The following IL1RAPL2 variants were observed in gnomAD, a reference collection of about 807,000 sequenced individuals.
IL1RAPL2 encodes the protein X-linked interleukin-1 receptor accessory protein-like 2.
Under a neutral mutation model 44.1 loss-of-function variants are expected in IL1RAPL2, and 3 were observed. The observed-to-expected ratio is 0.07, with a 90% confidence interval of 0.03 to 0.18. The LOEUF is 0.18. Among genes scored for constraint, IL1RAPL2 ranks in the 10% least tolerant of loss-of-function variants. The probability of loss-of-function intolerance (pLI) is 1.00; values close to 1 mark genes in which losing one functional copy is unlikely to be tolerated. For missense variants in IL1RAPL2, 391 were observed against 496.4 expected, an observed-to-expected ratio of 0.79 and a Z score of 2.02; for synonymous variants, 181 against 178.8, an observed-to-expected ratio of 1.01 and a Z score of -0.10.
chrX:104,761,923 C>CCTT lies in IL1RAPL2; in HGVS notation c.82+102987_82+102989dup, dbSNP rs759437149. Among the ~76,000 whole-genome samples, 112 of 30,800 alleles carry CCTT rather than the reference C, an allele frequency of 3.6e-3. 2 individuals carry two copies. Among genetic ancestry groups the CCTT allele is most frequent in the East Asian group, 0.011 (12 of 1,116 alleles). The allele number at this position is 30,800 out of a possible 115,157, so 26.7% of individuals were successfully genotyped here. A position where few individuals can be genotyped will look rare whatever the true frequency, so the allele number is the denominator to read the frequency against. On this transcript the variant is annotated intron_variant, in intron 2 of 10. Coordinates refer to ENST00000372582, the MANE Select transcript of IL1RAPL2 (RefSeq NM_017416.2). ...TCCTTCTCCTTCTCCTTCTCCTTCTCCTTCTTCTTCTTCTTCTTCTTCTTC... is the reference window on the plus strand; with the variant it reads ...TCCTTCTCCTTCTCCTTCTCCTTCTCCTTCTTCTTCTTCTTCTTCTTCTTCTTC...
chrX:104,942,115 GT>G (rs1186414842), intron 2 of IL1RAPL2, among the ~76,000 whole-genome samples: 2 of 111,908 alleles, frequency 1.8e-5, no homozygotes, highest in African/African-American at 6.5e-5. Flanking sequence ...TTGTAGTATA[GT>G]TTGAAGTCAG....
intron 2 of IL1RAPL2, among the ~76,000 whole-genome samples, chrX:104,827,131 G>T (rs1300971627): frequency 5.5e-5 from 6 of 109,194 alleles, no homozygotes; most frequent in African/African-American, 1.7e-4. Flanking sequence ...TTCCATTTAA[G>T]GTTAATATTG....
intron 5 of IL1RAPL2, among the ~76,000 whole-genome samples, chrX:105,354,070 T>C (rs1204341213): frequency 9.0e-6 from 1 of 111,139 alleles, no homozygotes; most frequent in Non-Finnish European, 1.9e-5. Flanking sequence ...GCTGTGGGTT[T>C]GTCATAGATA....
chrX:104,645,166 C>A (rs1930009703), intron 1 of IL1RAPL2, among the ~76,000 whole-genome samples: 1 of 111,561 alleles, frequency 9.0e-6, no homozygotes, highest in Non-Finnish European at 1.9e-5. Context: ...TCCTTCGCTA[C>A]CTTCTTATTT....
intron 2 of IL1RAPL2, among the ~76,000 whole-genome samples, chrX:105,099,617 A>G (rs1003811965): frequency 4.7e-5 from 5 of 105,992 alleles, no homozygotes; most frequent in African/African-American, 1.8e-4. Context: ...GGCGCCCGCC[A>G]CTACGCCTGG....
intron 1 of IL1RAPL2, among the ~76,000 whole-genome samples, chrX:104,644,088 A>T (rs1009659579): frequency 9.9e-5 from 11 of 111,626 alleles, no homozygotes; most frequent in Admixed American, 2.9e-4. Flanking sequence ...CATTTTTTTT[A>T]AAGTTTATTT....
chrX:105,680,020 A>AGAC (rs1337456073), intron 6 of IL1RAPL2, among the ~76,000 whole-genome samples: 2 of 111,021 alleles, frequency 1.8e-5, no homozygotes, highest in African/African-American at 3.3e-5. Flanking sequence ...TAATTTTTTG[A>AGAC]GACAGAGTCT....
chrX:105,713,546 C>G (rs2038231850), intron 6 of IL1RAPL2, among the ~76,000 whole-genome samples: 1 of 111,402 alleles, frequency 9.0e-6, no homozygotes, highest in Non-Finnish European at 1.9e-5. Flanking sequence ...AATCATCCCC[C>G]ACCAGGTGCA....
intron 6 of IL1RAPL2, among the ~76,000 whole-genome samples, chrX:105,693,329 G>C (rs945392165): frequency 1.8e-5 from 2 of 111,602 alleles, no homozygotes; most frequent in African/African-American, 6.5e-5. Context: ...TGGGTCATGG[G>C]GGCGAATCCC....
At chrX:105,146,919 G>C (rs1425821059) in intron 2 of IL1RAPL2, among the ~76,000 whole-genome samples, 1 of 111,820 alleles carries the variant, frequency 8.9e-6, no homozygotes, top group Non-Finnish European at 1.9e-5. Flanking sequence ...ATAGGTCATA[G>C]ATTTTGGATT....
rs541982333 is a variant in IL1RAPL2, at chrX:104,917,330, G to T, written c.82+258335G>T. ...CAAAGTCTCTCACATTCTTCAGATGGCAGAGAAAACAATTCCTCATTAGAT... is the reference window on the plus strand; with the variant it reads ...CAAAGTCTCTCACATTCTTCAGATGTCAGAGAAAACAATTCCTCATTAGAT... On this transcript the variant is annotated intron_variant, in intron 2 of 10. Coordinates refer to ENST00000372582, the MANE Select transcript of IL1RAPL2 (RefSeq NM_017416.2). Among the ~76,000 whole-genome samples the T allele has an allele frequency of 1.4e-3, 161 of 112,060 alleles. 1 individual carries two copies. The highest frequency in any genetic ancestry group is 4.9e-3 in the African/African-American group (150 of 30,825).
At chrX:104,688,303 AT>A (rs972428712) in intron 2 of IL1RAPL2, among the ~76,000 whole-genome samples, 2 of 111,565 alleles carry the variant, frequency 1.8e-5, no homozygotes, top group African/African-American at 3.3e-5. Flanking sequence ...AGTTAAAGGG[AT>A]TTTTTTTACA....
intron 1 of IL1RAPL2, among the ~76,000 whole-genome samples, chrX:104,598,768 T>G (rs1245586043): frequency 8.9e-6 from 1 of 112,587 alleles, no homozygotes; most frequent in African/African-American, 3.2e-5. Flanking sequence ...GCTTAAAATA[T>G]GCTATACCTT....
At chrX:105,683,429 T>C (rs2037941751) in intron 6 of IL1RAPL2, among the ~76,000 whole-genome samples, 1 of 111,835 alleles carries the variant, frequency 8.9e-6, no homozygotes, top group Non-Finnish European at 1.9e-5. Flanking sequence ...ATTAATTTCA[T>C]AATATTATTA....
At chrX:105,587,231 C>T (rs2037135533) in intron 6 of IL1RAPL2, among the ~76,000 whole-genome samples, 1 of 111,474 alleles carries the variant, frequency 9.0e-6, no homozygotes, top group Admixed American at 9.5e-5. Flanking sequence ...TCCATTTCTT[C>T]TAATTTATTG....
At chrX:104,850,651 A>G (rs963376068) in intron 2 of IL1RAPL2, among the ~76,000 whole-genome samples, 42 of 111,825 alleles carry the variant, frequency 3.8e-4, no homozygotes, top group Non-Finnish European at 5.6e-4. Context: ...GGTTGTTGCC[A>G]TGGAGCTGTT....
intron 6 of IL1RAPL2, among the ~76,000 whole-genome samples, chrX:105,601,145 A>G (rs1277237918): frequency 9.0e-6 from 1 of 111,393 alleles, no homozygotes; most frequent in Non-Finnish European, 1.9e-5. Context: ...TTAGTTATGT[A>G]TTATGGATAC....
intron 8 of IL1RAPL2, among the ~76,000 whole-genome samples, chrX:105,741,219 G>C (rs2038497751): frequency 9.0e-6 from 1 of 110,910 alleles, no homozygotes; most frequent in Admixed American, 9.6e-5. Flanking sequence ...AAATATTTTG[G>C]CATCCCTTTC....
rs765351936 is a variant in IL1RAPL2 at position 105,163,377 on chromosome X, G to T, written c.83-32098G>T. On this transcript the variant is annotated intron_variant, in intron 2 of 10. Transcript: ENST00000372582. ...TAGTTACTTATTTTGCCAAAAGAAAGAATACAAAAGGGTCAACTGACATGA... is the reference window on the plus strand; with the variant it reads ...TAGTTACTTATTTTGCCAAAAGAAATAATACAAAAGGGTCAACTGACATGA... Among the ~76,000 whole-genome samples, 6 of 111,703 alleles carry T rather than the reference G, an allele frequency of 5.4e-5. No individual in the cohort carries two copies. In the South Asian group the frequency reaches 2.2e-3, roughly 42 times the overall value.
Sources: gnomAD v4.1 joint callset for allele counts (sites outside exome capture counted in the v4.1 genomes callset) on GRCh38, gnomAD v4.1.1 for gene constraint, MANE v1.5 for transcripts, NCBI Gene and HGNC (gene_info 2026-07-23, HGNC 2026-07-21) for gene names.